Variants in CA6 observed in about 807,000 individuals in gnomAD.
The protein encoded by CA6 is carbonate dehydratase VI.
CA6 carries 28 observed loss-of-function variants against 35.9 expected under a neutral mutation model. The observed-to-expected ratio is 0.78, with a 90% CI of 0.58 to 1.07. CA6 has a LOEUF of 1.07. Ranked by LOEUF, CA6 falls within the 50% of genes least tolerant of loss-of-function variation. The pLI is 0.00. For missense variants in CA6, 377 were observed against 382.0 expected, an observed-to-expected ratio of 0.99 and a Z score of 0.11; for synonymous variants, 148 against 152.6, an observed-to-expected ratio of 0.97 and a Z score of 0.22.
chr1:8,971,659 C>G (rs1344128378), intron 7 of CA6, among the ~76,000 whole-genome samples: 2 of 152,300 alleles, frequency 1.3e-5, no homozygotes, highest in African/African-American at 4.8e-5. Context: ...GCATCTTGAT[C>G]ATAGTCTGTG....
At chr1:8,960,264 T>C (rs1454649479) in intron 4 of CA6, among the ~76,000 whole-genome samples, 1 of 142,732 alleles carries the variant, frequency 7.0e-6, no homozygotes, top group South Asian at 2.2e-4. Context: ...TGCAAAGAAA[T>C]AGGAAAATGT....
At chr1:8,959,931 C>CAAAAAAAAAAAAAAAAAAAAAA (rs373250863) in intron 4 of CA6, among the ~76,000 whole-genome samples, 5 of 75,176 alleles carry the variant, frequency 6.7e-5, no homozygotes, top group African/African-American at 2.7e-4. Flanking sequence ...GATTCTATCT[C>CAAAAAAAAAAAAAAAAAAAAAA]AAAAAAAAAA....
At chr1:8,951,571 T>C (rs1273880689) in intron 2 of CA6, 1 of 765,054 alleles carries the variant, frequency 1.3e-6, no homozygotes. Context: ...GGGCAACGCT[T>C]GCTGAGTGCG....
At chr1:8,949,490 G>A (rs1253742276) in intron 2 of CA6, 48 bp downstream of exon 2, 1 of 1,505,416 alleles carries the variant, frequency 6.6e-7, no homozygotes, top group South Asian at 1.1e-5. Context: ...GCAGCCTGCA[G>A]GGGAAGGCAG....
At chr1:8,953,418 A>T (rs1639591845) in intron 2 of CA6, among the ~76,000 whole-genome samples, 1 of 152,064 alleles carries the variant, frequency 6.6e-6, no homozygotes, top group Non-Finnish European at 1.5e-5. Flanking sequence ...GAACCCAGGA[A>T]TTTGAGACCA....
At chr1:8,971,719 A>C (rs1333005706) in intron 7 of CA6, among the ~76,000 whole-genome samples, 1 of 152,224 alleles carries the variant, frequency 6.6e-6, no homozygotes, top group African/African-American at 2.4e-5. Flanking sequence ...AAGTGGAGTT[A>C]ACTAGACCAC....
At chr1:8,973,756 CTT>C (rs1299413107) in intron 7 of CA6, among the ~76,000 whole-genome samples, 1 of 21,880 alleles carries the variant, frequency 4.6e-5, no homozygotes, top group African/African-American at 3.5e-4. Context: ...TTCTTTCTTT[CTT>C]TCTTTCTTTC....
chr1:8,947,254 G>T (rs544857083), intron 1 of CA6, among the ~76,000 whole-genome samples: 1 of 152,168 alleles, frequency 6.6e-6, no homozygotes, highest in East Asian at 1.9e-4. Flanking sequence ...GCTTCTTCCC[G>T]CATCCCCCTT....
chr1:8,948,797 C>A (rs1639438111), intron 1 of CA6, among the ~76,000 whole-genome samples: 2 of 151,990 alleles, frequency 1.3e-5, no homozygotes, highest in Admixed American at 1.3e-4. Context: ...TGGTGAAACC[C>A]CGTCTCTACT....
At chr1:8,955,147 G>A (rs985863849) in intron 2 of CA6, among the ~76,000 whole-genome samples, 1 of 152,080 alleles carries the variant, frequency 6.6e-6, no homozygotes, top group African/African-American at 2.4e-5. Context: ...GGCCAAGGCA[G>A]GTGGATTGCT....
intron 4 of CA6, among the ~76,000 whole-genome samples, chr1:8,962,280 G>A (rs1051113232): frequency 5.3e-5 from 8 of 151,244 alleles, no homozygotes; most frequent in East Asian, 1.9e-4. Context: ...AAAAACAAGC[G>A]CACAGGGGAC....
chr1:8,974,315 T>A, intron 7 of CA6: 1 of 1,375,520 alleles, frequency 7.3e-7, no homozygotes, highest in Non-Finnish European at 9.6e-7. Context: ...CTCTTGCGAT[T>A]TATTTACTAG....
chr1:8,973,763 TC>T (rs1640184448), intron 7 of CA6, among the ~76,000 whole-genome samples: 5 of 21,404 alleles, frequency 2.3e-4, no homozygotes, highest in African/African-American at 5.5e-4. Flanking sequence ...TTTCTTTCTT[TC>T]TTTCTTTCTT....
rs371272748 is a variant in CA6, at chr1:8,945,874, G to A, written c.-13G>A. On this transcript the variant is annotated 5_prime_UTR_variant, in exon 1 of 8. Coordinates refer to ENST00000377443, the MANE Select transcript of CA6 (RefSeq NM_001215.4). ...TTCGCCGGAATCAGTCTTCATTACA[G>A]ATGTGCAGCACCATGAGGGCCCTGG... is the stretch of plus-strand genomic sequence containing the variant. 2.4e-5 allele frequency: 38 copies of A among 1,596,624 alleles called. No individual in the cohort carries two copies. The African/African-American group carries it at 4.8e-4, about 20-fold the overall frequency.
chr1:8,974,048 C>T (rs1640201474), intron 7 of CA6, among the ~76,000 whole-genome samples: 1 of 152,074 alleles, frequency 6.6e-6, no homozygotes, highest in Non-Finnish European at 1.5e-5. Context: ...TGGTCTCGAA[C>T]TCCTGAGCTC....
intron 4 of CA6, among the ~76,000 whole-genome samples, chr1:8,959,867 G>A: frequency 6.7e-6 from 1 of 149,382 alleles, no homozygotes; most frequent in East Asian, 2.0e-4. Context: ...GGGAGGTGGA[G>A]GTTGCAGTGA....
chr1:8,969,444 T>A (rs1057179140), intron 6 of CA6, among the ~76,000 whole-genome samples: 1 of 151,678 alleles, frequency 6.6e-6, no homozygotes, highest in Admixed American at 6.6e-5. Context: ...GAGATGGAAC[T>A]ATGAAAAGAA....
intron 2 of CA6, among the ~76,000 whole-genome samples, chr1:8,955,491 G>A (rs17032912): frequency 1.3e-5 from 2 of 152,150 alleles, no homozygotes; most frequent in South Asian, 4.1e-4. Flanking sequence ...TCTCCCGGGA[G>A]CTGTGTTTTG....
intron 5 of CA6, 105 bp downstream of exon 5, chr1:8,962,761 C>T: frequency 1.0e-6 from 1 of 953,848 alleles, no homozygotes; most frequent in Admixed American, 1.8e-5. Context: ...GGGAGGGTGG[C>T]CCGTGGGCCC....
Sources: gnomAD v4.1 joint callset for allele counts (sites outside exome capture counted in the v4.1 genomes callset) on GRCh38, gnomAD v4.1.1 for gene constraint, MANE v1.5 for transcripts, NCBI Gene and HGNC (gene_info 2026-07-23, HGNC 2026-07-21) for gene names.